The following TLR1 variants were observed in gnomAD, a reference collection of about 807,000 sequenced individuals.
TLR1 encodes toll like receptor 1, also known as toll-like receptor 1.
TLR1 carries 19 observed loss-of-function variants against 20.2 expected under a neutral mutation model. The ratio of observed to expected loss-of-function variants is 0.94; its 90% CI spans 0.66 to 1.38. The LOEUF (loss-of-function observed/expected upper bound fraction) is 1.38. Ranked by LOEUF, TLR1 falls within the 40% of genes most tolerant of loss-of-function variation. The pLI, the probability that TLR1 is intolerant of heterozygous loss-of-function variation, is 0.00. For synonymous variants in TLR1, 320 were observed against 334.5 expected (o/e 0.96, Z 0.47); for missense variants, 921 against 910.0 (o/e 1.01, Z -0.16).
At chr4:38,793,720 G>A (rs1725858571), downstream of TLR1, among the ~76,000 whole-genome samples, 1 of 151,980 alleles carries the variant, frequency 6.6e-6, no homozygotes, top group African/African-American at 2.4e-5. Flanking sequence ...GGATTTACAG[G>A]GTGTAACAAG....
chr4:38,804,100 T>C (rs1726861294), intron 2 of TLR1, among the ~76,000 whole-genome samples: 1 of 152,252 alleles, frequency 6.6e-6, no homozygotes, highest in Admixed American at 6.5e-5. Flanking sequence ...TGTTCTGCTT[T>C]GCTTTCTATG....
chr4:38,796,701 G>C lies in TLR1; in HGVS notation c.2131C>G (p.Leu711Val), dbSNP rs772853375. Residue 711 changes from leucine to valine, a missense_variant, in exon 4 of 4, where the codon CTC becomes GTC. Coordinates refer to ENST00000308979, the MANE Select transcript of TLR1 (RefSeq NM_003263.4). Reference protein sequence around the residue: ...FVQSEWCHYELYFAHHNLFHE... With the variant: ...FVQSEWCHYEVYFAHHNLFHE... ...AAGAGATTGTGATGGGCAAAGTAGA[G>C]TTCATAATGGCACCATTCACTCTGG... The C allele has an allele frequency of 5.0e-6, 8 of 1,614,160 alleles. No homozygotes were observed. The South Asian group carries it at 8.8e-5, about 18-fold the overall frequency.
chr4:38,795,188 T>C (rs928169230), downstream of TLR1, among the ~76,000 whole-genome samples: 1 of 151,472 alleles, frequency 6.6e-6, no homozygotes, highest in Non-Finnish European at 1.5e-5. Flanking sequence ...GTGTTATCCC[T>C]TGTGCTTCCA....
Position 38,798,477 on chromosome 4 carries a change from A to C in TLR1, c.355T>G (p.Leu119Val). The C allele has an allele frequency of 1.2e-6, 2 of 1,614,148 alleles. No individual in the cohort carries two copies. Among genetic ancestry groups the C allele is most frequent in the Non-Finnish European group, 1.7e-6 (2 of 1,180,014 alleles). The change falls in exon 4 of 4, where the codon TTG becomes GTG. Residue 119 changes from leucine to valine, a missense_variant. Physicochemically the swap from Leu to Val is conservative, Grantham distance 32. Coordinates refer to ENST00000308979, the MANE Select transcript of TLR1 (RefSeq NM_003263.4). ...SCHPTVNLKH[L>V]DLSFNAFDAL... ...TCAAATGCATTAAATGACAGGTCCA[A>C]GTGCTTGAGGTTCACAGTAGGGTGG... is the stretch of plus-strand genomic sequence containing the variant.
chr4:38,804,488 T>C (rs1726894364), intron 1 of TLR1, 106 bp from the exon 2 acceptor site: 1 of 152,192 alleles, frequency 6.6e-6, no homozygotes, highest in African/African-American at 2.4e-5. Context: ...GTGACCCAAA[T>C]ATTCATTTCC....
downstream of TLR1, among the ~76,000 whole-genome samples, chr4:38,795,410 T>A (rs1453830499): frequency 2.0e-5 from 3 of 152,230 alleles, no homozygotes; most frequent in Non-Finnish European, 4.4e-5. Flanking sequence ...ATATATCCAT[T>A]CCTTACACTG....
downstream of TLR1, among the ~76,000 whole-genome samples, chr4:38,789,951 A>G (rs1180627405): frequency 1.3e-5 from 2 of 152,168 alleles, no homozygotes; most frequent in East Asian, 3.8e-4. Context: ...GTAGTTAATA[A>G]TTGCCTTGTA....
chr4:38,796,873 A>G lies in TLR1; in HGVS notation c.1959T>C (p.Asn653=), dbSNP rs1350083058. ...YSGHDSFWVK[N]ELLPNLEKEG... ...CTTTCTCTAGGTTTGGCAATAATTC[A>G]TTCTTCACCCAGAAAGAATCGTGCC... Residue 653 remains asparagine, a synonymous_variant, in exon 4 of 4, where the codon AAT becomes AAC. Transcript: ENST00000308979. The G allele has an allele frequency of 6.2e-7, 1 of 1,614,230 alleles. No homozygotes were observed.
In TLR1 at chr4:38,796,863, G is replaced by A. The variant is rs1334492741; in HGVS notation, c.1969C>T (p.Pro657Ser). ...TGCATACCTTCTTTCTCTAGGTTTG[G>A]CAATAATTCATTCTTCACCCAGAAA... ...DSFWVKNELL[P>S]NLEKEGMQIC... Residue 657 changes from proline (P) to serine (S), a missense_variant, in exon 4 of 4, where the codon CCA (proline) becomes TCA (serine). By Grantham distance (74) the Pro-to-Ser change is moderately conservative (BLOSUM62 -1). Transcript: ENST00000308979. 6.2e-7 allele frequency: 1 copy of A among 1,614,198 alleles called. No homozygotes were observed. Among genetic ancestry groups the A allele is most frequent in the Non-Finnish European group, 8.5e-7 (1 of 1,180,034 alleles).
chr4:38,800,947 C>T lies in TLR1; in HGVS notation c.-158G>A, dbSNP rs1560462506. The T allele has an allele frequency of 6.6e-6, 1 of 152,470 alleles. No homozygotes were observed. The highest frequency in any genetic ancestry group is 1.5e-5 in the Non-Finnish European group (1 of 68,026). The allele number at this position is 152,470 out of a possible 1,614,324, so 9.4% of individuals were successfully genotyped here. On this transcript the variant is annotated splice_region_variant and 5_prime_UTR_variant, in exon 3 of 4. Transcript: ENST00000308979. ...GTACCCCTATTAGTGTTCATGAAGA[C>T]CCTGAGCAAGGAAGATGATGCAGAC...
At position 38,799,746 on chromosome 4, in the gene TLR1, C is replaced by T. The variant is rs56123569; in HGVS notation, c.-67-848G>A. Among the ~76,000 whole-genome samples the T allele has an allele frequency of 1.3e-4, 20 of 152,270 alleles. No individual in the cohort carries two copies. The East Asian group carries it at 2.1e-3, about 16-fold the overall frequency. Reference sequence around the variant, plus strand: ...TCTATTACCCTTTATGACCTATACACGGTTTGGGTCTAACTTTGGTCTTAC... The same window carrying T: ...TCTATTACCCTTTATGACCTATACATGGTTTGGGTCTAACTTTGGTCTTAC... On this transcript the variant is annotated intron_variant, in intron 3 of 3. Transcript: ENST00000308979.
chr4:38,804,579 G>T (rs5743560), intron 1 of TLR1, among the ~76,000 whole-genome samples, 175 bp downstream of exon 1: 22,251 of 152,130 alleles, frequency 0.15, 2,250 homozygotes, highest in East Asian at 0.4. Flanking sequence ...TCTGATTTAG[G>T]ACTCAGAACT....
rs777899166 is a variant in TLR1 at position 38,796,884 on chromosome 4, A to C, written c.1948T>G (p.Trp650Gly). The C allele has an allele frequency of 7.4e-6, 12 of 1,614,114 alleles. No individual in the cohort carries two copies. The highest frequency in any genetic ancestry group is 2.7e-5 in the African/African-American group (2 of 74,932). Residue 650 changes from tryptophan to glycine, a missense_variant, in exon 4 of 4, where the codon TGG (tryptophan) becomes GGG (glycine). Physicochemically the swap from Trp to Gly is radical, Grantham distance 184. Coordinates refer to ENST00000308979, the MANE Select transcript of TLR1 (RefSeq NM_003263.4). ...TTTGGCAATAATTCATTCTTCACCCAGAAAGAATCGTGCCCACTATATGAA... is the reference window on the plus strand; with the variant it reads ...TTTGGCAATAATTCATTCTTCACCCCGAAAGAATCGTGCCCACTATATGAA... The part of the protein sequence containing the change: ...FISYSGHDSF[W>G]VKNELLPNLE...
chr4:38,789,343 A>C (rs1725665074), downstream of TLR1, among the ~76,000 whole-genome samples: 1 of 152,244 alleles, frequency 6.6e-6, no homozygotes, highest in African/African-American at 2.4e-5. Flanking sequence ...AAATGTTAAT[A>C]ATTTGTCAAA....
In TLR1 at chr4:38,798,043, C is replaced by T. The variant is rs1405180816; in HGVS notation, c.789G>A (p.Arg263=). 1 of 1,613,916 alleles carries T rather than the reference C, an allele frequency of 6.2e-7. No homozygotes were observed. Among genetic ancestry groups the T allele is most frequent in the Non-Finnish European group, 8.5e-7 (1 of 1,179,908 alleles). The change falls in exon 4 of 4, where the codon AGG becomes AGA. Residue 263 remains arginine (R), a synonymous_variant. Coordinates refer to ENST00000308979, the MANE Select transcript of TLR1 (RefSeq NM_003263.4). ...TTGTATGCCAAACCAGCTGGAGGATCCTAATGAAAGAATTCCAAGTTGTTT... is the reference window on the plus strand; with the variant it reads ...TTGTATGCCAAACCAGCTGGAGGATTCTAATGAAAGAATTCCAAGTTGTTT... ...NIETTWNSFI[R]ILQLVWHTTV...
At chr4:38,794,734 A>G (rs1725923301), downstream of TLR1, 2 of 148,760 alleles carry the variant, frequency 1.3e-5, no homozygotes, top group South Asian at 4.3e-4. Flanking sequence ...ATTGATTTTT[A>G]TTTTAGTTAT....
downstream of TLR1, among the ~76,000 whole-genome samples, chr4:38,789,933 G>A (rs1725679424): frequency 6.6e-6 from 1 of 152,036 alleles, no homozygotes; most frequent in African/African-American, 2.4e-5. Context: ...ATGCTTTTTG[G>A]TTTTCTTGTA....
chr4:38,803,516 T>A (rs544150040), intron 2 of TLR1, among the ~76,000 whole-genome samples: 21 of 152,382 alleles, frequency 1.4e-4, no homozygotes, highest in African/African-American at 4.6e-4. Context: ...ATCTTGCCCT[T>A]TCATTTAAAG....
In TLR1 at chr4:38,798,480, G is replaced by A. The variant is rs5743612; in HGVS notation, c.352C>T (p.His118Tyr). The A allele has an allele frequency of 6.1e-3, 9,813 of 1,614,084 alleles. 380 individuals are homozygous for A. In the African/African-American group the frequency reaches 0.086, roughly 14 times the overall value. ...AATGCATTAAATGACAGGTCCAAGT[G>A]CTTGAGGTTCACAGTAGGGTGGCAA... ...ISCHPTVNLKHLDLSFNAFDA... is the reference protein window; with the variant it reads ...ISCHPTVNLKYLDLSFNAFDA... Residue 118 changes from histidine (H) to tyrosine (Y), a missense_variant, in exon 4 of 4, where the codon CAC (histidine) becomes TAC (tyrosine). Coordinates refer to ENST00000308979, the MANE Select transcript of TLR1 (RefSeq NM_003263.4).
Sources: allele counts gnomAD v4.1 joint callset (sites outside exome capture counted in the v4.1 genomes callset), GRCh38; gene constraint gnomAD v4.1.1; transcripts MANE v1.5; gene names NCBI Gene and HGNC (gene_info 2026-07-23, HGNC 2026-07-21).